The following GSK3B variants were observed in gnomAD, a reference collection of about 807,000 sequenced individuals.
GSK3B encodes glycogen synthase kinase 3 beta, also known as glycogen synthase kinase-3 beta.
A neutral mutation model predicts 56.4 loss-of-function variants in GSK3B; 15 were observed. The ratio of observed to expected loss-of-function variants is 0.27; its 90% CI spans 0.18 to 0.41. The LOEUF (loss-of-function observed/expected upper bound fraction) is 0.41. GSK3B is among the 10% of genes least tolerant of loss of function. The pLI, the probability that GSK3B is intolerant of heterozygous loss-of-function variation, is 1.00. For synonymous variants in GSK3B, 181 were observed against 188.9 expected (o/e 0.96, Z 0.34); for missense variants, 300 against 513.4 (o/e 0.58, Z 4.02).
At position 119,826,397 on chromosome 3, in the gene GSK3B, A is replaced by T. The variant is rs566210911; in HGVS notation, c.*391T>A. The T allele has an allele frequency of 2.6e-4, 108 of 419,794 alleles. No homozygotes were observed. The highest frequency in any genetic ancestry group is 1.6e-3 in the African/African-American group (78 of 50,308). 26.0% of individuals were successfully genotyped at this position (419,794 alleles called of 1,614,324 possible). Reference sequence around the variant, plus strand: ...GACTTTAAAAGAAAACAAAGTTCAAAAAAACCCATCAGCACAGAAAAAGGT... The same window carrying T: ...GACTTTAAAAGAAAACAAAGTTCAATAAAACCCATCAGCACAGAAAAAGGT... On this transcript the variant is annotated 3_prime_UTR_variant, in exon 11 of 11. Transcript: ENST00000264235.
chr3:119,855,921 T>C (rs2056016294), intron 9 of GSK3B, among the ~76,000 whole-genome samples: 2 of 152,206 alleles, frequency 1.3e-5, no homozygotes, highest in Non-Finnish European at 1.5e-5. Context: ...GGCACATGTA[T>C]ACACATGTAA....
At position 120,052,659 on chromosome 3, in the gene GSK3B, C is replaced by T. The variant is rs769651153; in HGVS notation, c.88+40688G>A. ...ATATGCTGCAAATTCTCATTACACT[C>T]TCAGACACATAAAATTTGCAATATG... On this transcript the variant is annotated intron_variant, in intron 1 of 10. Coordinates refer to ENST00000264235, the MANE Select transcript of GSK3B (RefSeq NM_001146156.2). Among the ~76,000 whole-genome samples, 33 of 152,316 alleles carry T rather than the reference C, an allele frequency of 2.2e-4. No homozygotes were observed. In the Middle Eastern group the frequency reaches 0.01, roughly 47 times the overall value.
At chr3:119,890,512 C>A (rs1030596439) in intron 7 of GSK3B, among the ~76,000 whole-genome samples, 1 of 152,048 alleles carries the variant, frequency 6.6e-6, no homozygotes, top group African/African-American at 2.4e-5. Context: ...GGGTGACCAA[C>A]CATCCCAGTT....
chr3:120,048,900 GATC>G (rs893410236), intron 1 of GSK3B, among the ~76,000 whole-genome samples: 1 of 152,112 alleles, frequency 6.6e-6, no homozygotes, highest in African/African-American at 2.4e-5. Context: ...ACATAAAACA[GATC>G]ATATGATGCC....
At chr3:120,048,344 G>A (rs2058120342) in intron 1 of GSK3B, among the ~76,000 whole-genome samples, 1 of 151,998 alleles carries the variant, frequency 6.6e-6, no homozygotes, top group Non-Finnish European at 1.5e-5. Context: ...TCTCTTAGAG[G>A]GGAACAAAAG....
chr3:120,093,490 CT>C lies in GSK3B; in HGVS notation c.-57del. 1 of 1,162,132 alleles carries C rather than the reference CT, an allele frequency of 8.6e-7. No individual in the cohort carries two copies. The highest frequency in any genetic ancestry group is 1.3e-6 in the Non-Finnish European group (1 of 769,766). The allele number at this position is 1,162,132 out of a possible 1,614,324, so 72.0% of individuals were successfully genotyped here. A position where few individuals can be genotyped will look rare whatever the true frequency, so the allele number is the denominator to read the frequency against. On this transcript the variant is annotated 5_prime_UTR_variant, in exon 1 of 11. Transcript: ENST00000264235. ...TCCTTCCTCCTTTTCTTCCTTTTGT[CT>C]TTATGTTGGGGTGTTAGGTTAACGA...
At chr3:120,015,060 T>C (rs1412925402) in intron 1 of GSK3B, among the ~76,000 whole-genome samples, 1 of 152,242 alleles carries the variant, frequency 6.6e-6, no homozygotes, top group Non-Finnish European at 1.5e-5. Context: ...CAAAGGTTTA[T>C]ATCACAAGTT....
intron 1 of GSK3B, among the ~76,000 whole-genome samples, chr3:120,086,434 T>C (rs1559907705): frequency 6.6e-6 from 1 of 152,172 alleles, no homozygotes; most frequent in South Asian, 2.1e-4. Flanking sequence ...TTACAGATAT[T>C]TTATGTAGTT....
intron 3 of GSK3B, among the ~76,000 whole-genome samples, chr3:119,929,071 T>C (rs1289303614): frequency 6.6e-6 from 1 of 152,220 alleles, no homozygotes; most frequent in East Asian, 1.9e-4. Flanking sequence ...GATGATCCTA[T>C]TTCTTGTAAA....
intron 2 of GSK3B, among the ~76,000 whole-genome samples, chr3:119,970,598 C>T (rs937648711): frequency 6.8e-5 from 10 of 147,064 alleles, no homozygotes; most frequent in Middle Eastern, 3.4e-3. Context: ...AGTGAAACCC[C>T]GTCTCTACTA....
In GSK3B at chr3:119,970,786, C is replaced by CA. The variant is rs1553741604; in HGVS notation, c.283-23436dup. On this transcript the variant is annotated intron_variant, in intron 2 of 10. Coordinates refer to ENST00000264235, the MANE Select transcript of GSK3B (RefSeq NM_001146156.2). ...CGGGCGACAGTGTGAGACTCCGTTT[C>CA]AAAAAAACAAACAAACAAACAAAAA... is the stretch of plus-strand genomic sequence containing the variant. Among the ~76,000 whole-genome samples the CA allele has an allele frequency of 1.5e-4, 22 of 144,156 alleles. No individual in the cohort carries two copies. The South Asian group carries it at 4.5e-3, about 30-fold the overall frequency. 94.6% of individuals were successfully genotyped at this position (144,156 alleles called of 152,430 possible).
chr3:120,072,596 A>T lies in GSK3B; in HGVS notation c.88+20751T>A, dbSNP rs145390563. ...TCAGTCTCAAAAAAATAATAATAAT[A>T]ATTATCTTCAAACACTATAAAAATA... On this transcript the variant is annotated intron_variant, in intron 1 of 10. Coordinates refer to ENST00000264235, the MANE Select transcript of GSK3B (RefSeq NM_001146156.2). Among the ~76,000 whole-genome samples the T allele has an allele frequency of 2.3e-3, 351 of 152,292 alleles. 1 individual carries two copies. The highest frequency in any genetic ancestry group is 8.0e-3 in the African/African-American group (334 of 41,562).
chr3:120,031,100 T>C (rs1252000739), intron 1 of GSK3B, among the ~76,000 whole-genome samples: 1 of 152,210 alleles, frequency 6.6e-6, no homozygotes, highest in Non-Finnish European at 1.5e-5. Flanking sequence ...CAAGATATCA[T>C]ACAATGCAAA....
In GSK3B at chr3:119,822,400, C is replaced by T. The variant is rs1456516798; in HGVS notation, c.*4388G>A. The T allele has an allele frequency of 4.6e-6, 1 of 217,502 alleles. No individual in the cohort carries two copies. The highest frequency in any genetic ancestry group is 9.2e-6 in the Non-Finnish European group (1 of 108,518). 13.5% of individuals were successfully genotyped at this position (217,502 alleles called of 1,614,324 possible). A position where few individuals can be genotyped will look rare whatever the true frequency, so the allele number is the denominator to read the frequency against. ...TACAGGCAAGCAGATTTTCATACAA[C>T]TATCTGTATCTGCCTGTAGACAGAT... On this transcript the variant is annotated 3_prime_UTR_variant, in exon 11 of 11. Coordinates refer to ENST00000264235, the MANE Select transcript of GSK3B (RefSeq NM_001146156.2).
chr3:120,007,997 GC>G, intron 1 of GSK3B, among the ~76,000 whole-genome samples: 1 of 150,140 alleles, frequency 6.7e-6, no homozygotes, highest in South Asian at 2.1e-4. Flanking sequence ...GACGTCTCAG[GC>G]CAAACACTCC....
At chr3:119,829,297 C>T (rs984182185) in intron 10 of GSK3B, among the ~76,000 whole-genome samples, 4 of 152,172 alleles carry the variant, frequency 2.6e-5, no homozygotes, top group Non-Finnish European at 5.9e-5. Flanking sequence ...CACCACAAAC[C>T]CATGCTTATT....
chr3:119,983,414 T>C (rs374439008), intron 2 of GSK3B, among the ~76,000 whole-genome samples: 3 of 151,796 alleles, frequency 2.0e-5, no homozygotes, highest in South Asian at 2.1e-4. Context: ...GATTGGCAAA[T>C]TGGATAAAGA....
chr3:119,866,757 T>C (rs1288181727), intron 8 of GSK3B: 1 of 640,602 alleles, frequency 1.6e-6, no homozygotes, highest in African/African-American at 1.9e-5. Flanking sequence ...AGAAAATGTT[T>C]ATACAGTTAT....
chr3:119,996,086 T>C (rs925616127), intron 2 of GSK3B, among the ~76,000 whole-genome samples: 2 of 152,360 alleles, frequency 1.3e-5, no homozygotes, highest in African/African-American at 4.8e-5. Flanking sequence ...TCAAATGATT[T>C]ATGTATATGA....
Sources: allele counts gnomAD v4.1 joint callset (sites outside exome capture counted in the v4.1 genomes callset), GRCh38; gene constraint gnomAD v4.1.1; transcripts MANE v1.5; gene names NCBI Gene and HGNC (gene_info 2026-07-23, HGNC 2026-07-21).